ZNF562: variants seen among roughly 807,000 people sequenced by gnomAD.
The protein encoded by ZNF562 is zinc finger protein 562.
A neutral mutation model predicts 17.5 loss-of-function variants in ZNF562; 13 were observed. That is an observed-to-expected ratio of 0.74 (90% CI 0.48 to 1.18). The LOEUF is 1.18. Ranked by LOEUF, ZNF562 falls within the 50% of genes most tolerant of loss-of-function variation. ZNF562 has a pLI of 0.00. For synonymous variants in ZNF562, 163 were observed against 165.4 expected (o/e 0.99, Z 0.11); for missense variants, 481 against 498.5 (o/e 0.96, Z 0.33).
intron 1 of ZNF562, among the ~76,000 whole-genome samples, chr19:9,663,519 A>G (rs1448138773): frequency 6.6e-6 from 1 of 152,048 alleles, no homozygotes; most frequent in Non-Finnish European, 1.5e-5. Context: ...TATAGTCTTC[A>G]AGGGTCCTGA....
chr19:9,654,299 T>A (rs1419561644), intron 5 of ZNF562, among the ~76,000 whole-genome samples: 1 of 152,052 alleles, frequency 6.6e-6, no homozygotes, highest in Non-Finnish European at 1.5e-5. Flanking sequence ...CATGTTTTAC[T>A]TTTTTCAGAG....
At chr19:9,654,116 G>A (rs1340395276) in intron 5 of ZNF562, among the ~76,000 whole-genome samples, 2 of 150,834 alleles carry the variant, frequency 1.3e-5, no homozygotes, top group South Asian at 2.1e-4. Flanking sequence ...TCAGCCTCCC[G>A]AGTAGCTGGA....
At chr19:9,660,088 C>CAAA (rs1175978470) in intron 2 of ZNF562, among the ~76,000 whole-genome samples, 8 of 48,266 alleles carry the variant, frequency 1.7e-4, no homozygotes, top group African/African-American at 3.9e-4. Context: ...GACTCCATCT[C>CAAA]AAAAAAAAAA....
chr19:9,669,720 G>GCA lies in ZNF562; in HGVS notation c.-131+5294_-131+5295insTG, dbSNP rs1555699482. On this transcript the variant is annotated intron_variant, in intron 1 of 5. Transcript: ENST00000453372. ...CCTGTCTGCATGCACGCGCGCGAGC[G>GCA]CGCGCGCGCGCGCGCACACACACAC... is the stretch of plus-strand genomic sequence containing the variant. 9.5e-4 allele frequency among the ~76,000 whole-genome samples: 81 copies of GCA among 84,860 alleles called. 1 individual carries two copies. The Middle Eastern group carries it at 0.027, about 28-fold the overall frequency. The allele number at this position is 84,860 out of a possible 152,430, so 55.7% of individuals were successfully genotyped here.
rs1712834458 is a variant in ZNF562 at position 9,652,330 on chromosome 19, T to C, written c.*619A>G. 1 of 152,242 alleles carries C rather than the reference T, an allele frequency of 6.6e-6. No homozygotes were observed. Among genetic ancestry groups the C allele is most frequent in the African/African-American group, 2.4e-5 (1 of 41,464 alleles). The allele number at this position is 152,242 out of a possible 1,614,324, so 9.4% of individuals were successfully genotyped here. On this transcript the variant is annotated 3_prime_UTR_variant, in exon 6 of 6. Coordinates refer to ENST00000453372, the MANE Select transcript of ZNF562 (RefSeq NM_001130031.2). ...GGATGGTTTCACTCCTGACATGCTC[T>C]GCAGGATCCATGGGAACAGAAGAGA...
rs1293403155 is a variant in ZNF562, at chr19:9,647,915, T to C, written c.*5034A>G. ...AAACCAAAAAAATGAAAATATCTTG[T>C]AGTATTTTTAAATAGAGATGTGGTT... is the stretch of plus-strand genomic sequence containing the variant. On this transcript the variant is annotated 3_prime_UTR_variant, in exon 6 of 6. Coordinates refer to ENST00000453372, the MANE Select transcript of ZNF562 (RefSeq NM_001130031.2). 1 of 152,136 alleles carries C rather than the reference T, an allele frequency of 6.6e-6. No individual in the cohort carries two copies. The highest frequency in any genetic ancestry group is 1.5e-5 in the Non-Finnish European group (1 of 68,028). 9.4% of individuals were successfully genotyped at this position (152,136 alleles called of 1,614,324 possible).
At chr19:9,672,415 C>G (rs2044229048) in intron 1 of ZNF562, among the ~76,000 whole-genome samples, 1 of 152,060 alleles carries the variant, frequency 6.6e-6, no homozygotes, top group Admixed American at 6.6e-5. Flanking sequence ...AATTTACACT[C>G]AAATTGTTCA....
intron 1 of ZNF562, among the ~76,000 whole-genome samples, chr19:9,672,049 A>G (rs2145054778): frequency 6.6e-6 from 1 of 152,330 alleles, no homozygotes; most frequent in East Asian, 1.9e-4. Context: ...ATTTACACAC[A>G]CCATGAGAAT....
intron 5 of ZNF562, among the ~76,000 whole-genome samples, chr19:9,654,566 G>C (rs945502928): frequency 6.6e-6 from 1 of 151,988 alleles, no homozygotes; most frequent in South Asian, 2.1e-4. Context: ...GGTTCAAGCG[G>C]TTCTTCTGCC....
intron 1 of ZNF562, among the ~76,000 whole-genome samples, chr19:9,670,511 G>C (rs1372111817): frequency 6.6e-6 from 1 of 152,116 alleles, no homozygotes; most frequent in Non-Finnish European, 1.5e-5. Flanking sequence ...AAAGAGAATG[G>C]AATTCTGTCA....
At chr19:9,673,872 T>C (rs1264731153) in intron 1 of ZNF562, among the ~76,000 whole-genome samples, 2 of 151,888 alleles carry the variant, frequency 1.3e-5, no homozygotes, top group East Asian at 1.9e-4. Flanking sequence ...CCAGGTGTGG[T>C]GGTGCACGCC....
intron 5 of ZNF562, among the ~76,000 whole-genome samples, chr19:9,654,958 G>A (rs1250373265): frequency 3.9e-5 from 6 of 151,950 alleles, no homozygotes; most frequent in African/African-American, 1.5e-4. Flanking sequence ...TATGCCACTG[G>A]CTCTAATTGT....
chr19:9,670,418 T>C (rs536647485), intron 1 of ZNF562, among the ~76,000 whole-genome samples: 2 of 152,146 alleles, frequency 1.3e-5, no homozygotes, highest in South Asian at 4.2e-4. Flanking sequence ...AGCCAAAATA[T>C]GGAATCAACC....
Position 9,651,279 on chromosome 19 carries a change from A to C in ZNF562, c.*1670T>G, listed in dbSNP as rs2074863752. The C allele has an allele frequency of 1.3e-5, 2 of 152,160 alleles. No individual in the cohort carries two copies. The highest frequency in any genetic ancestry group is 4.1e-4 in the South Asian group (2 of 4,830). The allele number at this position is 152,160 out of a possible 1,614,324, so 9.4% of individuals were successfully genotyped here. A position where few individuals can be genotyped will look rare whatever the true frequency, so the allele number is the denominator to read the frequency against. ...GCTATTGGGAAATGAAGAAAAGACA[A>C]CCCTTGATATAAAGTGGTGAAGAAC... On this transcript the variant is annotated 3_prime_UTR_variant, in exon 6 of 6. Coordinates refer to ENST00000453372, the MANE Select transcript of ZNF562 (RefSeq NM_001130031.2).
chr19:9,653,293 T>C lies in ZNF562; in HGVS notation c.937A>G (p.Ile313Val), dbSNP rs2074901287. 3.7e-6 allele frequency: 6 copies of C among 1,614,230 alleles called. 1 individual carries two copies. Among genetic ancestry groups the C allele is most frequent in the Admixed American group, 3.3e-5 (2 of 60,028 alleles). Residue 313 changes from isoleucine (I) to valine (V), a missense_variant, in exon 6 of 6, where the codon ATA becomes GTA. By Grantham distance (29) the Ile-to-Val change is conservative. Transcript: ENST00000453372. ...FNVHIQIHTG[I>V]KPHKCTECGK... ...CATTCCGTACATTTGTGTGGTTTTA[T>C]TCCAGTGTGAATTTGAATGTGAACA... is the stretch of plus-strand genomic sequence containing the variant.
rs576475886 is a variant in ZNF562, at chr19:9,658,261, A to G, written c.115-126T>C. The G allele has an allele frequency of 1.0e-4, 137 of 1,376,192 alleles. 1 individual carries two copies. In the South Asian group the frequency reaches 2.1e-3, roughly 21 times the overall value. 85.2% of individuals were successfully genotyped at this position (1,376,192 alleles called of 1,614,324 possible). ...TCTCAAGTCTCCCATGATCTACTCC[A>G]GGGTTTAATGTCTCAGGAGCTCTTG... On this transcript the variant is annotated intron_variant, in intron 3 of 5. Coordinates refer to ENST00000453372, the MANE Select transcript of ZNF562 (RefSeq NM_001130031.2).
chr19:9,669,709 C>A (rs571525180), intron 1 of ZNF562, among the ~76,000 whole-genome samples: 1 of 81,352 alleles, frequency 1.2e-5, no homozygotes, highest in African/African-American at 7.6e-5. Flanking sequence ...TCTGCATGCA[C>A]GCGCGCGAGC....
Position 9,660,911 on chromosome 19 carries a change from A to G in ZNF562, c.-130-37T>C, listed in dbSNP as rs550690940. 2.0e-4 allele frequency: 112 copies of G among 568,886 alleles called. 2 individuals carry two copies. In the South Asian group the frequency reaches 3.3e-3, roughly 17 times the overall value. The allele number at this position is 568,886 out of a possible 1,614,324, so 35.2% of individuals were successfully genotyped here. On this transcript the variant is annotated intron_variant, in intron 1 of 5. Transcript: ENST00000453372. ...AATCACCAAACAACAAGCATCAAAC[A>G]TCAGTCATTGAACATTATGCATGAG... is the stretch of plus-strand genomic sequence containing the variant.
rs538887028 is a variant in ZNF562, at chr19:9,669,713, C to T, written c.-131+5302G>A. On this transcript the variant is annotated intron_variant, in intron 1 of 5. Coordinates refer to ENST00000453372, the MANE Select transcript of ZNF562 (RefSeq NM_001130031.2). ...GGCAAGACCTGTCTGCATGCACGCG[C>T]GCGAGCGCGCGCGCGCGCGCGCACA... 7.3e-4 allele frequency among the ~76,000 whole-genome samples: 68 copies of T among 92,646 alleles called. No individual in the cohort carries two copies. In the East Asian group the frequency reaches 0.013, roughly 18 times the overall value. The allele number at this position is 92,646 out of a possible 152,430, so 60.8% of individuals were successfully genotyped here.
Sources: gnomAD v4.1 joint callset for allele counts (sites outside exome capture counted in the v4.1 genomes callset) on GRCh38, gnomAD v4.1.1 for gene constraint, MANE v1.5 for transcripts, NCBI Gene and HGNC (gene_info 2026-07-23, HGNC 2026-07-21) for gene names.